The following CDH18 variants were observed in gnomAD, a reference collection of about 807,000 sequenced individuals.
The protein encoded by CDH18 is cadherin 18.
In CDH18, 31 loss-of-function variants were observed where a neutral mutation model predicts 67.9. The observed-to-expected ratio is 0.46, with a 90% confidence interval of 0.34 to 0.62. The LOEUF is 0.62. Ranked by LOEUF, CDH18 falls within the 20% of genes least tolerant of loss-of-function variation. The pLI, the probability that CDH18 is intolerant of heterozygous loss-of-function variation, is 0.01. For synonymous variants in CDH18, 362 were observed against 347.2 expected (o/e 1.04, Z -0.48); for missense variants, 890 against 975.5 (o/e 0.91, Z 1.17).
intron 1 of CDH18, among the ~76,000 whole-genome samples, chr5:20,370,826 C>T (rs539152432): frequency 6.6e-6 from 1 of 152,152 alleles, no homozygotes; most frequent in Non-Finnish European, 1.5e-5. Context: ...ATCATGAGGT[C>T]AGGAGTTCGA....
chr5:20,305,932 C>T (rs1736409622), intron 1 of CDH18: 1 of 165,428 alleles, frequency 6.0e-6, no homozygotes, highest in Admixed American at 6.0e-5. Context: ...ATCATATTTA[C>T]ATTTCTATTT....
chr5:19,855,894 T>A (rs931793850), intron 2 of CDH18, among the ~76,000 whole-genome samples: 1 of 152,136 alleles, frequency 6.6e-6, no homozygotes, highest in African/African-American at 2.4e-5. Flanking sequence ...TTAAGATATT[T>A]TCAAGGTGGT....
chr5:19,850,664 T>C (rs1783576605), intron 2 of CDH18, among the ~76,000 whole-genome samples: 1 of 151,846 alleles, frequency 6.6e-6, no homozygotes, highest in Non-Finnish European at 1.5e-5. Context: ...AGGGAGATTG[T>C]AGAGGACCTT....
chr5:19,615,348 G>A (rs1749656456), intron 5 of CDH18, among the ~76,000 whole-genome samples: 1 of 152,054 alleles, frequency 6.6e-6, no homozygotes, highest in African/African-American at 2.4e-5. Context: ...AAGTACAACT[G>A]ATACACAGTA....
intron 3 of CDH18, among the ~76,000 whole-genome samples, chr5:19,819,310 A>C (rs1779608973): frequency 1.3e-5 from 2 of 152,196 alleles, no homozygotes; most frequent in Admixed American, 6.5e-5. Flanking sequence ...ACTCTTATTA[A>C]AAATTTAGTA....
At chr5:19,497,919 T>C (rs576611473) in intron 11 of CDH18, among the ~76,000 whole-genome samples, 73 of 152,274 alleles carry the variant, frequency 4.8e-4, no homozygotes, top group African/African-American at 1.8e-3. Context: ...GACACAGTGT[T>C]ATAGATGCTG....
intron 1 of CDH18, among the ~76,000 whole-genome samples, chr5:20,310,981 C>T (rs560491059): frequency 1.7e-4 from 26 of 152,164 alleles, no homozygotes; most frequent in African/African-American, 3.9e-4. Flanking sequence ...TCTTCAATCC[C>T]TATATTAATA....
At chr5:20,464,595 A>C (rs1751506645) in intron 1 of CDH18, among the ~76,000 whole-genome samples, 1 of 152,172 alleles carries the variant, frequency 6.6e-6, no homozygotes, top group African/African-American at 2.4e-5. Context: ...CAGAGCAGAG[A>C]AGAGATGTCT....
At chr5:20,337,781 C>G (rs1484690320) in intron 1 of CDH18, among the ~76,000 whole-genome samples, 3 of 152,204 alleles carry the variant, frequency 2.0e-5, no homozygotes, top group East Asian at 3.9e-4. Flanking sequence ...TTCAGCAATG[C>G]CCCACTCTAC....
intron 3 of CDH18, among the ~76,000 whole-genome samples, chr5:19,824,000 T>C (rs1288170909): frequency 6.6e-6 from 1 of 151,340 alleles, no homozygotes; most frequent in Non-Finnish European, 1.5e-5. Context: ...CAAAATTAAT[T>C]AATAACCTTA....
chr5:20,091,711 A>G (rs767880580), intron 2 of CDH18, among the ~76,000 whole-genome samples: 1 of 152,120 alleles, frequency 6.6e-6, no homozygotes, highest in Non-Finnish European at 1.5e-5. Context: ...ATAAATAAAT[A>G]CTGATCCTCT....
chr5:19,764,482 A>T (rs1772804449), intron 3 of CDH18, among the ~76,000 whole-genome samples: 1 of 151,946 alleles, frequency 6.6e-6, no homozygotes, highest in South Asian at 2.1e-4. Context: ...TTATTAATAT[A>T]AACACATATA....
At chr5:19,889,534 T>C (rs1033008057) in intron 2 of CDH18, among the ~76,000 whole-genome samples, 1 of 152,094 alleles carries the variant, frequency 6.6e-6, no homozygotes, top group Non-Finnish European at 1.5e-5. Flanking sequence ...ATATCATTAG[T>C]TGATCTCAAT....
In CDH18 at chr5:20,300,750, C is replaced by A. The variant is rs184503455; in HGVS notation, c.-579-45245G>T. Among the ~76,000 whole-genome samples the A allele has an allele frequency of 1.9e-3, 288 of 152,258 alleles. 2 individuals are homozygous for A. The highest frequency in any genetic ancestry group is 6.6e-3 in the African/African-American group (276 of 41,556). On this transcript the variant is annotated intron_variant, in intron 1 of 14. Transcript: ENST00000507958. ...CTCCTTGCTAAATTGATATTACTTC[C>A]TAACACCCAATAGTCCTAGGTATAT...
chr5:19,904,246 C>T (rs1790274842), intron 2 of CDH18, among the ~76,000 whole-genome samples: 1 of 150,732 alleles, frequency 6.6e-6, no homozygotes, highest in Admixed American at 6.6e-5. Context: ...TGAACTCCAG[C>T]CTGGGCGACA....
intron 4 of CDH18, among the ~76,000 whole-genome samples, chr5:19,730,665 C>G (rs1018257127): frequency 4.9e-4 from 74 of 151,964 alleles, no homozygotes; most frequent in Non-Finnish European, 7.8e-4. Context: ...ATCTCAGCCA[C>G]CTATGTGGAC....
At chr5:19,927,584 C>T (rs185232663) in intron 2 of CDH18, among the ~76,000 whole-genome samples, 33 of 151,958 alleles carry the variant, frequency 2.2e-4, no homozygotes, top group African/African-American at 7.0e-4. Flanking sequence ...TATGAAAGCA[C>T]ATATATATAA....
In CDH18 at chr5:19,671,995, A is replaced by G. The variant is rs139276491; in HGVS notation, c.643+49352T>C. 3.2e-4 allele frequency among the ~76,000 whole-genome samples: 49 copies of G among 152,256 alleles called. No homozygotes were observed. In the East Asian group the frequency reaches 9.1e-3, roughly 28 times the overall value. ...TCAATGCAAATACAGATGATACATT[A>G]TTATTTCATGGTATAAACTGAGCTA... On this transcript the variant is annotated intron_variant, in intron 5 of 12. Coordinates refer to ENST00000382275, the MANE Select transcript of CDH18 (RefSeq NM_004934.5).
chr5:20,058,259 A>G (rs1426577950), intron 2 of CDH18, among the ~76,000 whole-genome samples: 1 of 152,186 alleles, frequency 6.6e-6, no homozygotes, highest in East Asian at 1.9e-4. Context: ...AAGTCATCAT[A>G]GTAGTGTTCA....
Sources: gnomAD v4.1 joint callset for allele counts (sites outside exome capture counted in the v4.1 genomes callset) on GRCh38, gnomAD v4.1.1 for gene constraint, MANE v1.5 for transcripts, NCBI Gene and HGNC (gene_info 2026-07-23, HGNC 2026-07-21) for gene names.